The following APOBEC3C variants were observed in gnomAD, a reference collection of about 807,000 sequenced individuals.
APOBEC3C encodes DNA dC->dU-editing enzyme APOBEC-3C.
A neutral mutation model predicts 20.6 loss-of-function variants in APOBEC3C; 14 were observed. The observed-to-expected ratio is 0.68, with a 90% CI of 0.45 to 1.06. The LOEUF (loss-of-function observed/expected upper bound fraction) is 1.06. Among genes scored for constraint, APOBEC3C ranks in the 50% least tolerant of loss-of-function variants. The probability of loss-of-function intolerance (pLI) is 0.00; values close to 1 mark genes in which losing one functional copy is unlikely to be tolerated. For synonymous variants in APOBEC3C, 98 were observed against 88.8 expected, an observed-to-expected ratio of 1.10 and a Z score of -0.58; for missense variants, 244 against 241.9, an observed-to-expected ratio of 1.01 and a Z score of -0.06.
Position 39,014,325 on chromosome 22 carries a change from A to G in APOBEC3C, c.-38A>G, listed in dbSNP as rs1209085653. ...AAGAGAAGCCACAGCGCTTCAGAAA[A>G]GAGTGGGACAGGGACAAGCATATCT... On this transcript the variant is annotated 5_prime_UTR_variant, in exon 1 of 4. Coordinates refer to ENST00000361441, the MANE Select transcript of APOBEC3C (RefSeq NM_014508.3). The G allele has an allele frequency of 6.2e-7, 1 of 1,614,028 alleles. No individual in the cohort carries two copies. The highest frequency in any genetic ancestry group is 1.7e-5 in the Admixed American group (1 of 60,022).
chr22:39,015,484 G>C (rs868429335), intron 1 of APOBEC3C, 111 bp from the exon 2 acceptor site: 7 of 1,255,372 alleles, frequency 5.6e-6, no homozygotes, highest in East Asian at 2.4e-5. Context: ...GTGGAGGGAT[G>C]GGGGAGGCCC....
At chr22:39,015,849 G>A in intron 2 of APOBEC3C, 98 bp downstream of exon 2, 2 of 1,201,800 alleles carry the variant, frequency 1.7e-6, no homozygotes, top group African/African-American at 1.6e-5. Context: ...GGGCTCTCCT[G>A]TGTGCACTTT....
intron 1 of APOBEC3C, among the ~76,000 whole-genome samples, chr22:39,014,638 G>T (rs945970313): frequency 6.6e-6 from 1 of 152,132 alleles, no homozygotes; most frequent in African/African-American, 2.4e-5. Context: ...AATCATGCCC[G>T]GGCTGGTGCT....
intron 2 of APOBEC3C, 105 bp downstream of exon 2, chr22:39,015,856 C>T (rs1317487552): frequency 2.0e-5 from 20 of 1,017,628 alleles, no homozygotes; most frequent in Non-Finnish European, 1.8e-5. Context: ...CCTGTGTGCA[C>T]TTTCCTGCCA....
At chr22:39,014,494 C>A in intron 1 of APOBEC3C, 115 bp downstream of exon 1, 6 of 1,304,998 alleles carry the variant, frequency 4.6e-6, no homozygotes, top group Admixed American at 2.0e-5. Context: ...GCTCCCTCCC[C>A]CCTGGTTCCC....
Position 39,017,820 on chromosome 22 carries a change from G to T in APOBEC3C, c.229G>T (p.Asp77Tyr). 1 of 1,613,984 alleles carries T rather than the reference G, an allele frequency of 6.2e-7. No homozygotes were observed. The highest frequency in any genetic ancestry group is 8.5e-7 in the Non-Finnish European group (1 of 1,179,920). Reference sequence around the variant, plus strand: ...AAGGTGCTTCCTCTCTTGGTTCTGCGACGACATACTGTCTCCTAACACAAA... The same window carrying T: ...AAGGTGCTTCCTCTCTTGGTTCTGCTACGACATACTGTCTCCTAACACAAA... ...AERCFLSWFC[D>Y]DILSPNTKYQ... Residue 77 changes from aspartate to tyrosine, a missense_variant, in exon 3 of 4, where the codon GAC becomes TAC. Transcript: ENST00000361441.
chr22:39,014,272 G>A lies in APOBEC3C; in HGVS notation c.-91G>A. On this transcript the variant is annotated 5_prime_UTR_variant, in exon 1 of 4. Transcript: ENST00000361441. ...CTGGGAGGTCACTTTAAAGAGGGCT[G>A]CTCAACTGCAAGGACGCTGTAAGCA... 6.5e-7 allele frequency: 1 copy of A among 1,545,150 alleles called. No homozygotes were observed.
intron 2 of APOBEC3C, 120 bp downstream of exon 2, chr22:39,015,871 T>C (rs1444188700): frequency 1.1e-6 from 1 of 898,320 alleles, no homozygotes; most frequent in Non-Finnish European, 1.6e-6. Context: ...CTGCCACATT[T>C]CTATTTTTTT....
intron 3 of APOBEC3C, 94 bp downstream of exon 3, chr22:39,018,139 G>A: frequency 6.3e-7 from 1 of 1,575,786 alleles, no homozygotes; most frequent in Admixed American, 1.7e-5. Flanking sequence ...AGTGTCCCCT[G>A]GGTGTCTGTG....
chr22:39,017,463 C>A lies in APOBEC3C; in HGVS notation c.175-303C>A, dbSNP rs1242830451. The stretch of plus-strand genomic sequence containing the variant: ...GATCAGCCTGGGCAACATGGTGAAA[C>A]CCCGTCTCTAAAAAAATTATTTAAA... On this transcript the variant is annotated intron_variant, in intron 2 of 3. Coordinates refer to ENST00000361441, the MANE Select transcript of APOBEC3C (RefSeq NM_014508.3). Among the ~76,000 whole-genome samples the A allele has an allele frequency of 2.0e-5, 3 of 151,940 alleles. No homozygotes were observed. In the East Asian group the frequency reaches 5.8e-4, roughly 29 times the overall value.
rs200291335 is a variant in APOBEC3C, at chr22:39,015,555, C to T, written c.18-40C>T. 251 of 1,602,078 alleles carry T rather than the reference C, an allele frequency of 1.6e-4. No individual in the cohort carries two copies. In the African/African-American group the frequency reaches 2.6e-3, roughly 17 times the overall value. The stretch of plus-strand genomic sequence containing the variant: ...GGCATCAGCCCTGAGGACTCCGGTG[C>T]GGGGGTCTCTGCATTGGGGTTTCTC... On this transcript the variant is annotated intron_variant, in intron 1 of 3. Transcript: ENST00000361441.
In APOBEC3C at chr22:39,017,812, G is replaced by C. The variant is rs1300164539; in HGVS notation, c.221G>C (p.Trp74Ser). 1 of 1,613,982 alleles carries C rather than the reference G, an allele frequency of 6.2e-7. No homozygotes were observed. Among genetic ancestry groups the C allele is most frequent in the Admixed American group, 1.7e-5 (1 of 60,008 alleles). ...HCHAERCFLS[W>S]FCDDILSPNT... is the part of the protein sequence containing the mutation. ...CATGCAGAAAGGTGCTTCCTCTCTT[G>C]GTTCTGCGACGACATACTGTCTCCT... The change falls in exon 3 of 4, where the codon TGG (tryptophan) becomes TCG (serine). Residue 74 changes from tryptophan to serine, a missense_variant. Transcript: ENST00000361441.
intron 2 of APOBEC3C, among the ~76,000 whole-genome samples, chr22:39,016,628 C>G (rs1423757591): frequency 6.6e-6 from 1 of 152,154 alleles, no homozygotes; most frequent in Admixed American, 6.5e-5. Context: ...GCCCAGCACC[C>G]TCACTCTTGA....
At chr22:39,015,490 G>A in intron 1 of APOBEC3C, 105 bp from the exon 2 acceptor site, 5 of 1,317,178 alleles carry the variant, frequency 3.8e-6, no homozygotes, top group Non-Finnish European at 5.2e-6. Flanking sequence ...GGATGGGGGA[G>A]GCCCAGAGCC....
chr22:39,018,345 C>A lies in APOBEC3C; in HGVS notation c.531C>A (p.Asn177Lys), dbSNP rs918041630. ...AGCCTTGGAAGGGATTAAAAACCAA[C>A]TTTCGACTTCTGAAAAGAAGGCTAC... Reference protein sequence around the residue: ...PFKPWKGLKTNFRLLKRRLRE... With the variant: ...PFKPWKGLKTKFRLLKRRLRE... Residue 177 changes from asparagine (N) to lysine (K), a missense_variant, in exon 4 of 4, where the codon AAC (asparagine) becomes AAA (lysine). Asn to Lys is a moderately conservative substitution (Grantham distance 94, BLOSUM62 0). Coordinates refer to ENST00000361441, the MANE Select transcript of APOBEC3C (RefSeq NM_014508.3). 7 of 1,614,044 alleles carry A rather than the reference C, an allele frequency of 4.3e-6. No individual in the cohort carries two copies. The Admixed American group carries it at 5.0e-5, about 12-fold the overall frequency.
intron 2 of APOBEC3C, among the ~76,000 whole-genome samples, chr22:39,017,197 A>G (rs1306924423): frequency 6.6e-6 from 1 of 152,054 alleles, no homozygotes; most frequent in African/African-American, 2.4e-5. Flanking sequence ...GTGCCACTGC[A>G]CTCCAGCCTT....
chr22:39,014,620 C>G (rs942507509), intron 1 of APOBEC3C, among the ~76,000 whole-genome samples: 1 of 152,034 alleles, frequency 6.6e-6, no homozygotes, highest in East Asian at 1.9e-4. Flanking sequence ...CTGAGACTCT[C>G]CCCCGAAAAT....
chr22:39,016,381 C>CTTTTTTTT (rs575173801), intron 2 of APOBEC3C, among the ~76,000 whole-genome samples: 8 of 122,888 alleles, frequency 6.5e-5, no homozygotes, highest in African/African-American at 1.3e-4. Context: ...TTCTTTTTTT[C>CTTTTTTTT]TTTTTTTTTT....
rs747791939 is a variant in APOBEC3C at position 39,018,418 on chromosome 22, C to T, written c.*31C>T. On this transcript the variant is annotated 3_prime_UTR_variant, in exon 4 of 4. Coordinates refer to ENST00000361441, the MANE Select transcript of APOBEC3C (RefSeq NM_014508.3). ...CTCCCTGGGCCTCATGGTCTGTCTCCTCTAGCCTCCTGCTCATGCTGCACG... is the reference window on the plus strand; with the variant it reads ...CTCCCTGGGCCTCATGGTCTGTCTCTTCTAGCCTCCTGCTCATGCTGCACG... The T allele has an allele frequency of 4.2e-5, 68 of 1,604,256 alleles. 1 individual carries two copies. The South Asian group carries it at 5.2e-4, about 12-fold the overall frequency.
Sources: allele counts gnomAD v4.1 joint callset (sites outside exome capture counted in the v4.1 genomes callset), GRCh38; gene constraint gnomAD v4.1.1; transcripts MANE v1.5; gene names NCBI Gene and HGNC (gene_info 2026-07-23, HGNC 2026-07-21).